Variants in UBE2L3 observed in about 807,000 individuals in gnomAD.
UBE2L3 encodes the protein ubiquitin conjugating enzyme E2 L3, also known as ubiquitin-conjugating enzyme E2 L3.
In UBE2L3, 1 loss-of-function variant was observed where a neutral mutation model predicts 17.8. The ratio of observed to expected loss-of-function variants is 0.06; its 90% CI spans 0.02 to 0.27. The LOEUF is 0.27. UBE2L3 is among the 10% of genes least tolerant of loss of function. UBE2L3 has a pLI of 1.00. For missense variants in UBE2L3, 40 were observed against 192.6 expected, an observed-to-expected ratio of 0.21 and a Z score of 4.69; for synonymous variants, 44 against 68.5, an observed-to-expected ratio of 0.64 and a Z score of 1.76.
chr22:21,604,751 C>T (rs560713666), intron 2 of UBE2L3, among the ~76,000 whole-genome samples: 1 of 152,192 alleles, frequency 6.6e-6, no homozygotes, highest in Middle Eastern at 3.4e-3. Context: ...TTTTGCATGC[C>T]TCTTTCACCA....
At chr22:21,599,383 GA>G (rs1009021552) in intron 2 of UBE2L3, among the ~76,000 whole-genome samples, 1 of 152,166 alleles carries the variant, frequency 6.6e-6, no homozygotes, top group Admixed American at 6.5e-5. Flanking sequence ...GGGCACACTG[GA>G]GTTGTTTTGG....
At chr22:21,585,670 A>G (rs950012879) in intron 1 of UBE2L3, among the ~76,000 whole-genome samples, 7 of 152,168 alleles carry the variant, frequency 4.6e-5, no homozygotes, top group Admixed American at 6.6e-5. Context: ...GAGGCTTTCA[A>G]TGATGAGCAT....
At chr22:21,567,871 T>C in intron 1 of UBE2L3, 100 bp downstream of exon 1, 1 of 1,546,564 alleles carries the variant, frequency 6.5e-7, no homozygotes, top group Admixed American at 2.0e-5. Context: ...CCGTCTGGCT[T>C]CCTGCCCTAC....
chr22:21,617,600 A>G (rs79465650), intron 3 of UBE2L3, among the ~76,000 whole-genome samples: 11 of 151,596 alleles, frequency 7.3e-5, no homozygotes, highest in South Asian at 2.1e-4. Context: ...CATTTTGCAG[A>G]AAAAAAAAGT....
chr22:21,555,980 T>C (rs1601379700), intron 1 of UBE2L3, among the ~76,000 whole-genome samples: 1 of 152,216 alleles, frequency 6.6e-6, no homozygotes, highest in Non-Finnish European at 1.5e-5. Flanking sequence ...TAAGCCTGTA[T>C]ACCCAGCCCT....
upstream of UBE2L3, among the ~76,000 whole-genome samples, chr22:21,567,391 G>C (rs188462869): frequency 2.6e-4 from 40 of 152,286 alleles, 1 homozygote; most frequent in Admixed American, 2.4e-3. Context: ...TCTCGAACTC[G>C]TGACCGCGTG....
At chr22:21,576,801 C>CCTTT (rs1927325185) in intron 1 of UBE2L3, among the ~76,000 whole-genome samples, 1 of 118,142 alleles carries the variant, frequency 8.5e-6, no homozygotes, top group South Asian at 2.8e-4. Flanking sequence ...CTTCTCTTTC[C>CCTTT]TTTTTTTTTT....
At chr22:21,566,532 G>A (rs970466695), upstream of UBE2L3, among the ~76,000 whole-genome samples, 1 of 151,658 alleles carries the variant, frequency 6.6e-6, no homozygotes, top group Non-Finnish European at 1.5e-5. Flanking sequence ...GCGGCAGTGA[G>A]CTGTTATCGT....
At chr22:21,603,407 G>A (rs1430837531) in intron 2 of UBE2L3, among the ~76,000 whole-genome samples, 2 of 151,874 alleles carry the variant, frequency 1.3e-5, no homozygotes, top group African/African-American at 2.4e-5. Flanking sequence ...GTGCATGCCT[G>A]TAGTCCCAGC....
chr22:21,576,146 G>A (rs1377359346), intron 1 of UBE2L3, among the ~76,000 whole-genome samples: 3 of 135,562 alleles, frequency 2.2e-5, no homozygotes, highest in South Asian at 2.3e-4. Context: ...GCGGAGTCTC[G>A]CTCTTTCACC....
rs1054940471 is a variant in UBE2L3, at chr22:21,621,733, C to T, written c.*64C>T. On this transcript the variant is annotated 3_prime_UTR_variant, in exon 4 of 4. Coordinates refer to ENST00000342192, the MANE Select transcript of UBE2L3 (RefSeq NM_003347.4). Reference sequence around the variant, plus strand: ...CCCCGTGCAGTGCATTCAGACACCCCGCAAAGCAGGACTCTGTGGAAATTG... The same window carrying T: ...CCCCGTGCAGTGCATTCAGACACCCTGCAAAGCAGGACTCTGTGGAAATTG... The T allele has an allele frequency of 4.0e-5, 49 of 1,230,262 alleles. No individual in the cohort carries two copies. Among genetic ancestry groups the T allele is most frequent in the East Asian group, 1.2e-4 (5 of 40,458 alleles). The allele number at this position is 1,230,262 out of a possible 1,614,324, so 76.2% of individuals were successfully genotyped here.
chr22:21,601,915 T>C (rs1389699735), intron 2 of UBE2L3, among the ~76,000 whole-genome samples: 1 of 141,404 alleles, frequency 7.1e-6, no homozygotes, highest in East Asian at 2.1e-4. Context: ...GAGCTTGCAG[T>C]GAGCCGAGAT....
chr22:21,592,541 A>G (rs1288979954), intron 1 of UBE2L3, among the ~76,000 whole-genome samples: 4 of 152,276 alleles, frequency 2.6e-5, no homozygotes, highest in Middle Eastern at 3.4e-3. Context: ...GTGCTGAGGG[A>G]TTTAAACAGC....
chr22:21,609,732 A>G (rs552928287), intron 2 of UBE2L3, among the ~76,000 whole-genome samples: 2 of 151,988 alleles, frequency 1.3e-5, no homozygotes, highest in East Asian at 3.9e-4. Context: ...AAGTGGGGGA[A>G]AAACAAGTAA....
chr22:21,573,370 C>T (rs575689161), intron 1 of UBE2L3, among the ~76,000 whole-genome samples: 7 of 152,252 alleles, frequency 4.6e-5, no homozygotes, highest in South Asian at 2.1e-4. Context: ...CTCTGGATCT[C>T]GTGATTGGCA....
chr22:21,592,994 C>A, intron 2 of UBE2L3, 38 bp downstream of exon 2: 1 of 1,571,566 alleles, frequency 6.4e-7, no homozygotes, highest in South Asian at 1.1e-5. Flanking sequence ...CCAGATTATT[C>A]TTTAAGGTGA....
chr22:21,579,458 A>G (rs573238667), intron 1 of UBE2L3, among the ~76,000 whole-genome samples: 47 of 152,230 alleles, frequency 3.1e-4, no homozygotes, highest in African/African-American at 1.1e-3. Flanking sequence ...GATTTTCAGT[A>G]TATTGAATTA....
chr22:21,581,626 A>AC (rs1247653564), intron 1 of UBE2L3, among the ~76,000 whole-genome samples: 2 of 151,710 alleles, frequency 1.3e-5, no homozygotes, highest in Non-Finnish European at 2.9e-5. Flanking sequence ...ACATGAATAA[A>AC]CCCCTGACTC....
intron 3 of UBE2L3, among the ~76,000 whole-genome samples, chr22:21,612,654 T>C (rs1392706266): frequency 8.1e-5 from 9 of 111,370 alleles, no homozygotes; most frequent in African/African-American, 3.6e-4. Context: ...TTTTTTTTTT[T>C]TTTTTTTTTT....
Sources: allele counts gnomAD v4.1 joint callset (sites outside exome capture counted in the v4.1 genomes callset), GRCh38; gene constraint gnomAD v4.1.1; transcripts MANE v1.5; gene names NCBI Gene and HGNC (gene_info 2026-07-23, HGNC 2026-07-21).